Variants in PGF observed in about 807,000 individuals in gnomAD.
The protein encoded by PGF is placenta growth factor.
A neutral mutation model predicts 25.3 loss-of-function variants in PGF; 11 were observed. That is an observed-to-expected ratio of 0.43 (90% confidence interval 0.27 to 0.72). PGF has a LOEUF of 0.72. Ranked by LOEUF, PGF falls within the 30% of genes least tolerant of loss-of-function variation. The pLI, the probability that PGF is intolerant of heterozygous loss-of-function variation, is 0.18. For missense variants in PGF, 230 were observed against 234.9 expected (o/e 0.98, Z 0.14); for synonymous variants, 105 against 97.9 (o/e 1.07, Z -0.43).
At chr14:74,946,784 T>C in intron 4 of PGF, 1 of 719,426 alleles carries the variant, frequency 1.4e-6, no homozygotes. Flanking sequence ...GGGAATTTCC[T>C]CAGGGACAGG....
Position 74,953,554 on chromosome 14 carries a change from G to T in PGF, c.118+350C>A, listed in dbSNP as rs917309419. ...GACTGCCCACTGCATTCAGCTCCCA[G>T]ACCCCCATTCTGGCCCCTGGCACTC... On this transcript the variant is annotated intron_variant, in intron 2 of 6. Transcript: ENST00000555567. This position sits in a 1 kb window ranked among gnomAD's most constrained non-coding sequence, Gnocchi z 5.4. Among the ~76,000 whole-genome samples the T allele has an allele frequency of 6.6e-6, 1 of 152,006 alleles. No individual in the cohort carries two copies.
rs113459805 is a variant in PGF at position 74,950,579 on chromosome 14, A to T, written c.119-1026T>A. Among the ~76,000 whole-genome samples, 186 of 152,314 alleles carry T rather than the reference A, an allele frequency of 1.2e-3. 1 individual carries two copies. The highest frequency in any genetic ancestry group is 4.4e-3 in the African/African-American group (182 of 41,568). ...GGGGGAAGGCCTAGGACCAGGCCCCAAATAGAGGCTCACAGGGAGAGTGGC... is the reference window on the plus strand; with the variant it reads ...GGGGGAAGGCCTAGGACCAGGCCCCTAATAGAGGCTCACAGGGAGAGTGGC... On this transcript the variant is annotated intron_variant, in intron 2 of 6. Coordinates refer to ENST00000555567, the MANE Select transcript of PGF (RefSeq NM_002632.6). This position sits in a 1 kb window ranked among gnomAD's most constrained non-coding sequence, Gnocchi z 4.1.
Position 74,942,402 on chromosome 14 carries a change from C to T in PGF, c.*304G>A, listed in dbSNP as rs532168932. 1.8e-5 allele frequency: 7 copies of T among 388,744 alleles called. No individual in the cohort carries two copies. In the East Asian group the frequency reaches 2.7e-4, roughly 15 times the overall value. 24.1% of individuals were successfully genotyped at this position (388,744 alleles called of 1,614,324 possible). ...GCCCCCTTCTTTCCTTCTGCAGGCC[C>T]CTGGAGACCTCCAGGGCCTCTGGGG... On this transcript the variant is annotated 3_prime_UTR_variant, in exon 7 of 7. Transcript: ENST00000555567.
chr14:74,946,227 G>GGGT lies in PGF; in HGVS notation c.468_470dup (p.Pro157dup). On this transcript the variant is annotated inframe_insertion, in exon 6 of 7. Transcript: ENST00000555567. ...CGCACACTCACAGGTGGCAGTCTGT[G>GGGT]GGTCTCTGCTTCTCTCTCCTCCTCT... The GGGT allele has an allele frequency of 1.2e-6, 2 of 1,614,044 alleles. No homozygotes were observed. Among genetic ancestry groups the GGGT allele is most frequent in the Admixed American group, 1.7e-5 (1 of 60,024 alleles).
At chr14:74,946,695 TTG>T in intron 4 of PGF, 1 of 680,000 alleles carries the variant, frequency 1.5e-6, no homozygotes, top group East Asian at 2.7e-5. Flanking sequence ...TCAAATTTGG[TTG>T]TTTCTGTCTG....
chr14:74,944,319 G>A lies in PGF; in HGVS notation c.486-1586C>T, dbSNP rs899049697. ...GGGTTTCACCATGTTAGCCAGGATG[G>A]TCTCGATCTCCTAACCTTGCGATCC... On this transcript the variant is annotated intron_variant, in intron 6 of 6. Transcript: ENST00000555567. Among the ~76,000 whole-genome samples, 45 of 151,956 alleles carry A rather than the reference G, an allele frequency of 3.0e-4. 1 individual carries two copies. In the South Asian group the frequency reaches 4.2e-3, roughly 14 times the overall value.
chr14:74,944,415 T>A (rs1888679875), intron 6 of PGF: 2 of 152,126 alleles, frequency 1.3e-5, no homozygotes, highest in African/African-American at 4.8e-5. Flanking sequence ...TTGTTCATTT[T>A]CTTAAAAGTG....
rs893050371 is a variant in PGF at position 74,955,339 on chromosome 14, G to A, written c.-97C>T. The A allele has an allele frequency of 3.2e-6, 2 of 625,752 alleles. No individual in the cohort carries two copies. Among genetic ancestry groups the A allele is most frequent in the Non-Finnish European group, 4.9e-6 (2 of 406,344 alleles). The allele number at this position is 625,752 out of a possible 1,614,324, so 38.8% of individuals were successfully genotyped here. Reference sequence around the variant, plus strand: ...ACAGGAGGAGAAGAGCTGAGTGGGGGGCTGGACGCCTCCCTCACTGCTGCC... The same window carrying A: ...ACAGGAGGAGAAGAGCTGAGTGGGGAGCTGGACGCCTCCCTCACTGCTGCC... On this transcript the variant is annotated 5_prime_UTR_variant, in exon 1 of 7. Coordinates refer to ENST00000555567, the MANE Select transcript of PGF (RefSeq NM_002632.6). This position sits in a 1 kb window ranked among gnomAD's most constrained non-coding sequence, Gnocchi z 4.1.
chr14:74,953,737 T>C lies in PGF; in HGVS notation c.118+167A>G, dbSNP rs541482542. Among the ~76,000 whole-genome samples, 1 of 152,194 alleles carries C rather than the reference T, an allele frequency of 6.6e-6. No homozygotes were observed. Among genetic ancestry groups the C allele is most frequent in the African/African-American group, 2.4e-5 (1 of 41,460 alleles). On this transcript the variant is annotated intron_variant, in intron 2 of 6. Transcript: ENST00000555567. The surrounding 1 kb of genome is among the most constrained non-coding windows in gnomAD (Gnocchi z 5.4). ...CACCTCTCTAGTCTCTGGGTCACCA[T>C]GAGGGGATCTCTTAGGCCCTGCCAA...
chr14:74,952,574 C>T (rs1408726928), intron 2 of PGF, among the ~76,000 whole-genome samples: 1 of 152,244 alleles, frequency 6.6e-6, no homozygotes, highest in Non-Finnish European at 1.5e-5. Context: ...AAAATCAATG[C>T]CCATGGCTGG....
rs546910201 is a variant in PGF at position 74,946,200 on chromosome 14, C to A, written c.485+13G>T. On this transcript the variant is annotated intron_variant, in intron 6 of 6. Transcript: ENST00000555567. Reference sequence around the variant, plus strand: ...CCAGCCTCCTCGCCATCCCTGGGACCCCGCACACTCACAGGTGGCAGTCTG... The same window carrying A: ...CCAGCCTCCTCGCCATCCCTGGGACACCGCACACTCACAGGTGGCAGTCTG... The A allele has an allele frequency of 6.2e-7, 1 of 1,612,900 alleles. No homozygotes were observed. The highest frequency in any genetic ancestry group is 1.1e-5 in the South Asian group (1 of 91,056).
chr14:74,949,678 C>T, intron 2 of PGF, 125 bp from the exon 3 acceptor site: 1 of 631,626 alleles, frequency 1.6e-6, no homozygotes, highest in South Asian at 2.5e-5. Context: ...GCTCCCTCAA[C>T]TCTGAACTCC....
rs1888841982 is a variant in PGF at position 74,950,198 on chromosome 14, C to G, written c.119-645G>C. 6.6e-6 allele frequency among the ~76,000 whole-genome samples: 1 copy of G among 152,164 alleles called. No individual in the cohort carries two copies. The highest frequency in any genetic ancestry group is 2.4e-5 in the African/African-American group (1 of 41,440). Reference sequence around the variant, plus strand: ...TCTTCCCCCTCCTCTCATTTCTATCCAAATAAAGTCCACCCGCCATTTTCC... The same window carrying G: ...TCTTCCCCCTCCTCTCATTTCTATCGAAATAAAGTCCACCCGCCATTTTCC... On this transcript the variant is annotated intron_variant, in intron 2 of 6. Coordinates refer to ENST00000555567, the MANE Select transcript of PGF (RefSeq NM_002632.6). This position sits in a 1 kb window ranked among gnomAD's most constrained non-coding sequence, Gnocchi z 4.1.
chr14:74,947,547 CTG>C (rs902931105), intron 4 of PGF: 1 of 152,216 alleles, frequency 6.6e-6, no homozygotes, highest in Non-Finnish European at 1.5e-5. Flanking sequence ...AATCATGAAA[CTG>C]TATTGAGCCT....
chr14:74,948,411 G>T, intron 4 of PGF, 96 bp downstream of exon 4: 1 of 675,430 alleles, frequency 1.5e-6, no homozygotes, highest in Non-Finnish European at 2.5e-6. Flanking sequence ...CAGCGGGGAT[G>T]GGCAGCCTTT....
chr14:74,946,102 C>A, intron 6 of PGF, 111 bp downstream of exon 6: 3 of 908,764 alleles, frequency 3.3e-6, no homozygotes, highest in Admixed American at 1.9e-5. Context: ...GTTCTGCCCC[C>A]AAGACTGGCC....
intron 6 of PGF, among the ~76,000 whole-genome samples, chr14:74,944,247 C>A (rs1007468724): frequency 2.6e-5 from 4 of 151,900 alleles, no homozygotes; most frequent in African/African-American, 7.2e-5. Context: ...GGACTATAGG[C>A]ACCCACCACC....
At chr14:74,946,691 T>C (rs757810218) in intron 4 of PGF, 28 of 677,532 alleles carry the variant, frequency 4.1e-5, no homozygotes, top group Non-Finnish European at 6.5e-5. Flanking sequence ...GGCATCAAAT[T>C]TGGTTGTTTC....
In PGF at chr14:74,942,525, A is replaced by G. The variant is rs1888625271; in HGVS notation, c.*181T>C. ...CTTCTCTCTTTCTCTCACGTTGTTG[A>G]AGGCACTGAATTCCTGAGGGTCCTG... On this transcript the variant is annotated 3_prime_UTR_variant, in exon 7 of 7. Coordinates refer to ENST00000555567, the MANE Select transcript of PGF (RefSeq NM_002632.6). The G allele has an allele frequency of 1.5e-6, 1 of 648,650 alleles. No homozygotes were observed. The highest frequency in any genetic ancestry group is 1.9e-5 in the African/African-American group (1 of 52,626). 40.2% of individuals were successfully genotyped at this position (648,650 alleles called of 1,614,324 possible).
Sources: gnomAD v4.1 joint callset for allele counts (sites outside exome capture counted in the v4.1 genomes callset) on GRCh38, gnomAD v4.1.1 for gene constraint, Gnocchi (gnomAD v3.1) non-coding constraint, MANE v1.5 for transcripts, NCBI Gene and HGNC (gene_info 2026-07-23, HGNC 2026-07-21) for gene names.